Variants in NFIB observed in about 807,000 individuals in gnomAD.
The protein encoded by NFIB is nuclear factor I B.
Under a neutral mutation model 61.5 loss-of-function variants are expected in NFIB, and 11 were observed. The observed-to-expected ratio is 0.18, with a 90% CI of 0.11 to 0.30. The LOEUF is 0.30. NFIB is among the 10% of genes least tolerant of loss of function. The pLI is 1.00. For synonymous variants in NFIB, 260 were observed against 216.5 expected, an observed-to-expected ratio of 1.20 and a Z score of -1.76; for missense variants, 471 against 608.9, an observed-to-expected ratio of 0.77 and a Z score of 2.38.
At chr9:14,469,132 G>A in the NFIB span, among the ~76,000 whole-genome samples, 5 of 152,092 alleles carry the variant, frequency 3.3e-5, no homozygotes, top group Non-Finnish European at 5.9e-5. Flanking sequence ...ATTTTTTGAT[G>A]CCCACTTCTT....
intron 2 of NFIB, among the ~76,000 whole-genome samples, chr9:14,246,155 C>T (rs1406262295): frequency 1.3e-5 from 2 of 151,724 alleles, no homozygotes. Flanking sequence ...AACATGTTTA[C>T]ACTTAAAACT....
At chr9:14,340,018 T>C (rs149067098) in intron 1 of NFIB, among the ~76,000 whole-genome samples, 5 of 152,292 alleles carry the variant, frequency 3.3e-5, no homozygotes, top group African/African-American at 1.2e-4. Flanking sequence ...CCACTTCTTC[T>C]TACAGATGAC....
Position 14,082,486 on chromosome 9 carries a change from T to C in NFIB, c.*5823A>G. 4.9e-6 allele frequency: 1 copy of C among 204,554 alleles called. No individual in the cohort carries two copies. Among genetic ancestry groups the C allele is most frequent in the Admixed American group, 6.0e-5 (1 of 16,766 alleles). 12.7% of individuals were successfully genotyped at this position (204,554 alleles called of 1,614,324 possible). ...TTAACAGCTTGATGAAGACATAATC[T>C]ACTGCAGCTTTGAGAAACCTATGCC... On this transcript the variant is annotated 3_prime_UTR_variant, in exon 11 of 11. Transcript: ENST00000380953.
chr9:14,428,888 T>G, the NFIB span, among the ~76,000 whole-genome samples: 3 of 151,956 alleles, frequency 2.0e-5, no homozygotes, highest in Non-Finnish European at 4.4e-5. Flanking sequence ...GGGCCAGGAA[T>G]CCTTGGAAGA....
At chr9:14,166,005 C>T (rs115546555) in intron 3 of NFIB, among the ~76,000 whole-genome samples, 3,117 of 152,180 alleles carry the variant, frequency 0.02, 106 homozygotes, top group African/African-American at 0.069. Flanking sequence ...TTTAATGTTA[C>T]GCGTATTTCA....
intron 2 of NFIB, among the ~76,000 whole-genome samples, chr9:14,278,106 C>T (rs892022017): frequency 6.6e-5 from 10 of 152,156 alleles, no homozygotes; most frequent in African/African-American, 2.4e-4. Flanking sequence ...CCTAAACTGT[C>T]ACAACCATCC....
the NFIB span, among the ~76,000 whole-genome samples, chr9:14,494,034 G>A: frequency 1.3e-5 from 2 of 152,174 alleles, no homozygotes. Context: ...AAGGTTCAGA[G>A]TTTGGCTGAT....
chr9:14,417,900 C>A, the NFIB span, among the ~76,000 whole-genome samples: 1 of 151,156 alleles, frequency 6.6e-6, no homozygotes, highest in Non-Finnish European at 1.5e-5. Flanking sequence ...CCTGCCTCAG[C>A]CTCCCGGGTA....
intron 2 of NFIB, among the ~76,000 whole-genome samples, chr9:14,269,904 G>A (rs964144016): frequency 3.9e-5 from 6 of 152,048 alleles, no homozygotes; most frequent in South Asian, 4.1e-4. Flanking sequence ...ACTACAGAGC[G>A]GCAAGGAAGT....
At chr9:14,113,138 C>G in intron 9 of NFIB, 57 bp from the exon 10 acceptor site, 1 of 1,470,760 alleles carries the variant, frequency 6.8e-7, no homozygotes, top group Non-Finnish European at 9.2e-7. Flanking sequence ...GAACGAACAC[C>G]CTGTCCATGT....
chr9:14,443,025 A>AC, the NFIB span, among the ~76,000 whole-genome samples: 4 of 116,522 alleles, frequency 3.4e-5, no homozygotes, highest in African/African-American at 9.6e-5. Context: ...ATCTAACCCA[A>AC]CCCCCCACCC....
chr9:14,093,976 G>A (rs2034372888), intron 10 of NFIB, among the ~76,000 whole-genome samples: 1 of 152,054 alleles, frequency 6.6e-6, no homozygotes, highest in Admixed American at 6.6e-5. Context: ...TGTTCTACAT[G>A]CTTGACCTAC....
At chr9:14,304,395 A>G (rs1447172243) in intron 2 of NFIB, among the ~76,000 whole-genome samples, 1 of 152,222 alleles carries the variant, frequency 6.6e-6, no homozygotes, top group Non-Finnish European at 1.5e-5. Context: ...GACTATTGAC[A>G]TTTCTAGATC....
the NFIB span, among the ~76,000 whole-genome samples, chr9:14,516,991 G>C: frequency 2.0e-5 from 3 of 152,152 alleles, no homozygotes; most frequent in African/African-American, 4.8e-5. Flanking sequence ...GATTACATTA[G>C]TTTTGTTTCT....
the NFIB span, among the ~76,000 whole-genome samples, chr9:14,481,197 G>GTATATATATATATATATATA: frequency 0.013 from 588 of 45,662 alleles, 61 homozygotes; most frequent in Non-Finnish European, 0.015. Context: ...GTGTGTGTGT[G>GTATATATATATATATATATA]TATATATATA....
upstream of NFIB, among the ~76,000 whole-genome samples, chr9:14,318,101 G>A (rs1365478422): frequency 1.3e-5 from 2 of 152,114 alleles, no homozygotes; most frequent in African/African-American, 4.8e-5. Context: ...CCTGGCTGAG[G>A]AGGCAGAAAG....
chr9:14,443,886 T>C, the NFIB span, among the ~76,000 whole-genome samples: 3 of 152,296 alleles, frequency 2.0e-5, no homozygotes, highest in Admixed American at 1.3e-4. Context: ...ATATTTACTG[T>C]ATGAAAAAAG....
At chr9:14,115,507 T>C (rs959407402) in intron 9 of NFIB, among the ~76,000 whole-genome samples, 7 of 152,188 alleles carry the variant, frequency 4.6e-5, no homozygotes, top group Non-Finnish European at 7.3e-5. Context: ...TGCGGCTTAT[T>C]GGTACGTGTT....
upstream of NFIB, among the ~76,000 whole-genome samples, chr9:14,315,983 C>A (rs1184664346): frequency 1.3e-5 from 2 of 151,998 alleles, no homozygotes; most frequent in African/African-American, 4.8e-5. Context: ...GCCCCCGATT[C>A]CCCGGTCCTC....
Sources: allele counts gnomAD v4.1 joint callset (sites outside exome capture counted in the v4.1 genomes callset), GRCh38; gene constraint gnomAD v4.1.1; transcripts MANE v1.5; gene names NCBI Gene and HGNC (gene_info 2026-07-23, HGNC 2026-07-21).